Variants in BARD1 observed in about 807,000 individuals in gnomAD.
The protein encoded by BARD1 is BRCA1-associated RING domain protein 1.
BARD1 carries 73 observed loss-of-function variants against 77.0 expected under a neutral mutation model. That is an observed-to-expected ratio of 0.95 (90% CI 0.79 to 1.15). The LOEUF (loss-of-function observed/expected upper bound fraction) is 1.15. Among genes scored for constraint, BARD1 ranks in the 50% most tolerant of loss-of-function variants. The pLI is 0.00. For missense variants in BARD1, 993 were observed against 938.8 expected, an observed-to-expected ratio of 1.06 and a Z score of -0.75; for synonymous variants, 384 against 338.0, an observed-to-expected ratio of 1.14 and a Z score of -1.49.
chr2:214,780,917 A>G lies in BARD1; in HGVS notation c.957T>C (p.Asn319=). The change falls in exon 4 of 11, where the codon AAT becomes AAC. Residue 319 remains asparagine (N), a synonymous_variant. Coordinates refer to ENST00000260947, the MANE Select transcript of BARD1 (RefSeq NM_000465.4). ...TSKKSLPLEN[N]GKRGHHNRLS... ...GTCTATTGTGATGGCCACGTTTTCC[A>G]TTATTTTCTAATGGCAAAGATTTCT... The G allele has an allele frequency of 6.2e-7, 1 of 1,614,024 alleles. No individual in the cohort carries two copies. Among genetic ancestry groups the G allele is most frequent in the Non-Finnish European group, 8.5e-7 (1 of 1,179,952 alleles).
intron 6 of BARD1, among the ~76,000 whole-genome samples, chr2:214,763,912 T>A (rs1238579201): frequency 2.6e-5 from 4 of 152,198 alleles, no homozygotes; most frequent in Admixed American, 2.6e-4. Flanking sequence ...TTCTCACCTG[T>A]TACTACCTAA....
intron 7 of BARD1, among the ~76,000 whole-genome samples, chr2:214,751,117 G>GTGTGTGTGTA (rs1486423673): frequency 3.1e-4 from 5 of 16,282 alleles, no homozygotes; most frequent in Non-Finnish European, 6.9e-4. Context: ...GTGTGTGTGT[G>GTGTGTGTGTA]TATATATATA....
At chr2:214,792,726 G>GT (rs1380440690) in intron 2 of BARD1, among the ~76,000 whole-genome samples, 1 of 152,156 alleles carries the variant, frequency 6.6e-6, no homozygotes, top group African/African-American at 2.4e-5. Flanking sequence ...TTACAGAGAT[G>GT]TAACAGAAAG....
Position 214,745,087 on chromosome 2 carries a change from C to A in BARD1, c.1883G>T (p.Cys628Phe), listed in dbSNP as rs1227794803. Reference protein sequence around the residue: ...LKCMLGILNGCWILKFEWVKA... With the variant: ...LKCMLGILNGFWILKFEWVKA... The stretch of plus-strand genomic sequence containing the variant: ...CTTACATTCAAATTTTAGAATCCAG[C>A]ATCCATTGAGAATCCCAAGCATACA... The change falls in exon 9 of 11, where the codon TGC (cysteine) becomes TTC (phenylalanine). Residue 628 changes from cysteine (C) to phenylalanine (F), a missense_variant. Physicochemically the swap from Cys to Phe is radical, Grantham distance 205. Coordinates refer to ENST00000260947, the MANE Select transcript of BARD1 (RefSeq NM_000465.4). 5 of 1,613,776 alleles carry A rather than the reference C, an allele frequency of 3.1e-6. No individual in the cohort carries two copies. The highest frequency in any genetic ancestry group is 4.2e-6 in the Non-Finnish European group (5 of 1,179,826).
chr2:214,745,224 T>G (rs1381671195), intron 8 of BARD1, 65 bp from the exon 9 acceptor site: 1 of 1,350,634 alleles, frequency 7.4e-7, no homozygotes, highest in Non-Finnish European at 1.1e-6. Context: ...TTGGCCTGCT[T>G]CTTATAACTC....
At chr2:214,741,774 G>A (rs1407609415) in intron 9 of BARD1, among the ~76,000 whole-genome samples, 1 of 152,116 alleles carries the variant, frequency 6.6e-6, no homozygotes, top group Non-Finnish European at 1.5e-5. Flanking sequence ...CTTAGTCTCA[G>A]AATCCTCATG....
chr2:214,757,941 AG>A (rs1693772707), intron 6 of BARD1, among the ~76,000 whole-genome samples: 1 of 152,052 alleles, frequency 6.6e-6, no homozygotes, highest in African/African-American at 2.4e-5. Context: ...ACCAAAAAAA[AG>A]GAAAAAAGGG....
chr2:214,753,018 G>C (rs897573527), intron 6 of BARD1, among the ~76,000 whole-genome samples: 6 of 151,902 alleles, frequency 3.9e-5, no homozygotes, highest in Admixed American at 1.3e-4. Context: ...TAGTTAACAG[G>C]GTACTTTAAA....
chr2:214,762,839 T>G (rs1219066461), intron 6 of BARD1, among the ~76,000 whole-genome samples: 1 of 152,100 alleles, frequency 6.6e-6, no homozygotes, highest in Non-Finnish European at 1.5e-5. Context: ...AAATCAAACT[T>G]CATTTGAAAG....
At chr2:214,789,123 T>C (rs1559433697) in intron 3 of BARD1, among the ~76,000 whole-genome samples, 7 of 152,180 alleles carry the variant, frequency 4.6e-5, no homozygotes, top group Admixed American at 3.9e-4. Context: ...CCTATCAAAG[T>C]AGCAAAGAAA....
intron 1 of BARD1, among the ~76,000 whole-genome samples, chr2:214,806,617 T>A (rs1696284447): frequency 6.6e-6 from 1 of 152,158 alleles, no homozygotes; most frequent in Admixed American, 6.5e-5. Context: ...CTCACGCCTG[T>A]AATCCCAGCA....
intron 2 of BARD1, among the ~76,000 whole-genome samples, chr2:214,794,979 A>G (rs1695695863): frequency 6.6e-6 from 1 of 152,178 alleles, no homozygotes; most frequent in African/African-American, 2.4e-5. Flanking sequence ...GTCCTTTAGA[A>G]TCTGATTAAA....
At chr2:214,778,749 A>G (rs1694844969) in intron 4 of BARD1, among the ~76,000 whole-genome samples, 1 of 152,196 alleles carries the variant, frequency 6.6e-6, no homozygotes, top group Admixed American at 6.5e-5. Flanking sequence ...TGGCCTGCAA[A>G]GCTGAAAACA....
intron 9 of BARD1, among the ~76,000 whole-genome samples, chr2:214,738,588 T>C (rs1692668824): frequency 1.3e-5 from 2 of 152,088 alleles, no homozygotes; most frequent in Admixed American, 6.6e-5. Flanking sequence ...CCACTGATGA[T>C]GGTCATGGTT....
At chr2:214,732,968 A>C (rs184498918) in intron 9 of BARD1, among the ~76,000 whole-genome samples, 1 of 152,194 alleles carries the variant, frequency 6.6e-6, no homozygotes, top group Non-Finnish European at 1.5e-5. Flanking sequence ...CCTCTTTATA[A>C]AATGTTTTAT....
intron 3 of BARD1, among the ~76,000 whole-genome samples, chr2:214,788,108 T>C (rs778886661): frequency 6.6e-6 from 1 of 151,964 alleles, no homozygotes; most frequent in Non-Finnish European, 1.5e-5. Context: ...TATGTAATCG[T>C]TACAGAAAGA....
chr2:214,780,873 T>C lies in BARD1; in HGVS notation c.1001A>G (p.Lys334Arg). Reference sequence around the variant, plus strand: ...GCTCAGAATGCTGGTTCTACATCTCTTAGAAATGGGACTGGAAAGTCTATT... The same window carrying C: ...GCTCAGAATGCTGGTTCTACATCTCCTAGAAATGGGACTGGAAAGTCTATT... ...HHNRLSSPIS[K>R]RCRTSILSTS... The change falls in exon 4 of 11, where the codon AAG (lysine) becomes AGG (arginine). Residue 334 changes from lysine to arginine, a missense_variant. By Grantham distance (26) the Lys-to-Arg change is conservative. Transcript: ENST00000260947. 6.2e-7 allele frequency: 1 copy of C among 1,614,160 alleles called. No individual in the cohort carries two copies. Among genetic ancestry groups the C allele is most frequent in the East Asian group, 2.2e-5 (1 of 44,870 alleles).
At chr2:214,736,787 C>T (rs1213769886) in intron 9 of BARD1, among the ~76,000 whole-genome samples, 5 of 152,056 alleles carry the variant, frequency 3.3e-5, no homozygotes, top group African/African-American at 4.8e-5. Context: ...AGTCTTAATT[C>T]ATTAAATATT....
Position 214,792,562 on chromosome 2 carries a change from C to A in BARD1, c.216-117G>T, listed in dbSNP as rs2106136332. 4.1e-6 allele frequency: 4 copies of A among 965,416 alleles called. No homozygotes were observed. The South Asian group carries it at 6.7e-5, about 16-fold the overall frequency. The allele number at this position is 965,416 out of a possible 1,614,324, so 59.8% of individuals were successfully genotyped here. ...AGAGGTTATTCTAACATACAATGGT[C>A]AATTGTAATATCCTTGTTGAATACT... On this transcript the variant is annotated intron_variant, in intron 2 of 10. Transcript: ENST00000260947.
Sources: gnomAD v4.1 joint callset for allele counts (sites outside exome capture counted in the v4.1 genomes callset) on GRCh38, gnomAD v4.1.1 for gene constraint, MANE v1.5 for transcripts, NCBI Gene and HGNC (gene_info 2026-07-23, HGNC 2026-07-21) for gene names.